STXBP4: variants seen among roughly 807,000 people sequenced by gnomAD.
STXBP4 encodes syntaxin binding protein 4.
In STXBP4, 55 loss-of-function variants were observed where a neutral mutation model predicts 76.1. The ratio of observed to expected loss-of-function variants is 0.72; its 90% CI spans 0.58 to 0.91. STXBP4 has a LOEUF of 0.91. Ranked by LOEUF, STXBP4 falls within the 40% of genes least tolerant of loss-of-function variation. STXBP4 has a pLI of 0.00. For missense variants in STXBP4, 618 were observed against 636.9 expected, an observed-to-expected ratio of 0.97 and a Z score of 0.32; for synonymous variants, 201 against 220.2, an observed-to-expected ratio of 0.91 and a Z score of 0.77.
chr17:55,045,131 T>C (rs1266948527), intron 11 of STXBP4, among the ~76,000 whole-genome samples: 1 of 152,150 alleles, frequency 6.6e-6, no homozygotes, highest in Non-Finnish European at 1.5e-5. Flanking sequence ...ACTTAAAATT[T>C]TGCATATGTT....
At chr17:55,000,172 C>T (rs2077884498) in intron 6 of STXBP4, 2 of 978,028 alleles carry the variant, frequency 2.0e-6, no homozygotes, top group South Asian at 4.7e-5. Context: ...CATTTCTGTT[C>T]TCTGCTTGAC....
chr17:55,021,536 AT>A (rs1006317712), intron 8 of STXBP4, among the ~76,000 whole-genome samples: 3 of 151,890 alleles, frequency 2.0e-5, no homozygotes, highest in Non-Finnish European at 4.4e-5. Flanking sequence ...CATAATCATA[AT>A]TTTTTTATAA....
intron 16 of STXBP4, among the ~76,000 whole-genome samples, chr17:55,109,126 T>A (rs942811774): frequency 6.6e-6 from 1 of 152,230 alleles, no homozygotes; most frequent in Non-Finnish European, 1.5e-5. Context: ...CTTGTTGATT[T>A]GAAACCTTCA....
intron 16 of STXBP4, among the ~76,000 whole-genome samples, chr17:55,114,878 A>G (rs1258350774): frequency 6.6e-6 from 1 of 151,904 alleles, no homozygotes; most frequent in Non-Finnish European, 1.5e-5. Context: ...GCCAACCTTG[A>G]TTTCAGATGT....
At position 55,055,438 on chromosome 17, in the gene STXBP4, G is replaced by A. The variant is rs370329733; in HGVS notation, c.1011+8284G>A. On this transcript the variant is annotated intron_variant, in intron 12 of 17. Transcript: ENST00000376352. ...CCACTTTTCACCACTTCCATCAGTGGTCTAAGCCGCCATCAGGTCCCACCT... is the reference window on the plus strand; with the variant it reads ...CCACTTTTCACCACTTCCATCAGTGATCTAAGCCGCCATCAGGTCCCACCT... Among the ~76,000 whole-genome samples, 19 of 152,226 alleles carry A rather than the reference G, an allele frequency of 1.2e-4. No individual in the cohort carries two copies. In the East Asian group the frequency reaches 1.7e-3, roughly 14 times the overall value.
At chr17:55,186,045 A>G in the STXBP4 span, among the ~76,000 whole-genome samples, 9 of 152,218 alleles carry the variant, frequency 5.9e-5, no homozygotes, top group Admixed American at 1.3e-4. Context: ...TAGAGTGGAC[A>G]TAACAATTAC....
chr17:55,015,894 A>G (rs1311636285), intron 8 of STXBP4, among the ~76,000 whole-genome samples: 1 of 152,228 alleles, frequency 6.6e-6, no homozygotes, highest in Non-Finnish European at 1.5e-5. Context: ...CTTCTTTTCT[A>G]CAAAAGAGAT....
At chr17:55,059,010 G>GC (rs2078965571) in intron 12 of STXBP4, among the ~76,000 whole-genome samples, 1 of 151,806 alleles carries the variant, frequency 6.6e-6, no homozygotes. Context: ...TTTGCAAATT[G>GC]CAATTGCATT....
At chr17:55,195,754 T>C in the STXBP4 span, among the ~76,000 whole-genome samples, 1 of 152,230 alleles carries the variant, frequency 6.6e-6, no homozygotes, top group Non-Finnish European at 1.5e-5. Flanking sequence ...TCTCTTCTTT[T>C]CTGCATTAGG....
the STXBP4 span, among the ~76,000 whole-genome samples, chr17:55,198,129 G>T: frequency 1.6e-4 from 25 of 152,168 alleles, no homozygotes; most frequent in Middle Eastern, 3.2e-3. Flanking sequence ...CAAATGAAGT[G>T]GTGGCCCACA....
chr17:55,000,696 T>G (rs1414721376), intron 6 of STXBP4, 112 bp from the exon 7 acceptor site: 11 of 774,270 alleles, frequency 1.4e-5, no homozygotes, highest in Non-Finnish European at 2.4e-5. Flanking sequence ...AGAGGTTTCA[T>G]ATTTGAGGGA....
At chr17:55,045,778 C>T (rs1649842054) in intron 11 of STXBP4, among the ~76,000 whole-genome samples, 1 of 151,986 alleles carries the variant, frequency 6.6e-6, no homozygotes, top group South Asian at 2.1e-4. Context: ...ATTACCTTTA[C>T]CTCAAAACCT....
chr17:54,990,292 G>A (rs547121653), intron 3 of STXBP4, among the ~76,000 whole-genome samples: 8 of 78,510 alleles, frequency 1.0e-4, no homozygotes, highest in East Asian at 9.9e-4. Flanking sequence ...GGAATCAGGC[G>A]ACACAGCAGG....
chr17:55,176,569 C>A (rs767409953), downstream of STXBP4, among the ~76,000 whole-genome samples: 4 of 152,124 alleles, frequency 2.6e-5, no homozygotes, highest in Non-Finnish European at 5.9e-5. Context: ...TGGACATTCC[C>A]CTAAGAGTAA....
chr17:55,155,392 T>C (rs2080265821), intron 17 of STXBP4, among the ~76,000 whole-genome samples: 1 of 152,100 alleles, frequency 6.6e-6, no homozygotes, highest in Non-Finnish European at 1.5e-5. Flanking sequence ...TTATGCCCAG[T>C]TGTAAAATTT....
At chr17:55,073,120 C>T in intron 13 of STXBP4, 44 bp downstream of exon 13, 2 of 1,578,176 alleles carry the variant, frequency 1.3e-6, no homozygotes, top group Non-Finnish European at 1.7e-6. Context: ...GGTTTCCTTG[C>T]CGTTGTCATG....
At chr17:55,115,767 C>T (rs994207351) in intron 16 of STXBP4, among the ~76,000 whole-genome samples, 1 of 151,776 alleles carries the variant, frequency 6.6e-6, no homozygotes, top group Non-Finnish European at 1.5e-5. Context: ...AATTTTAAGG[C>T]AAATGCAAAG....
intron 10 of STXBP4, 82 bp downstream of exon 10, chr17:55,034,341 T>TC: frequency 2.4e-6 from 2 of 840,878 alleles, no homozygotes; most frequent in Non-Finnish European, 3.5e-6. Context: ...TAGGCTTTTT[T>TC]CACTTAAAAA....
the STXBP4 span, among the ~76,000 whole-genome samples, chr17:55,193,815 G>GGA: frequency 1.9e-5 from 2 of 105,880 alleles, no homozygotes; most frequent in South Asian, 3.6e-4. Flanking sequence ...CCTGATTTCA[G>GGA]AAAAAAAAAA....
Sources: gnomAD v4.1 joint callset for allele counts (sites outside exome capture counted in the v4.1 genomes callset) on GRCh38, gnomAD v4.1.1 for gene constraint, MANE v1.5 for transcripts, NCBI Gene and HGNC (gene_info 2026-07-23, HGNC 2026-07-21) for gene names.